SEC61A2: variants seen among roughly 807,000 people sequenced by gnomAD.
SEC61A2 encodes the protein protein transport protein Sec61 subunit alpha isoform 2.
SEC61A2 carries 28 observed loss-of-function variants against 59.9 expected under a neutral mutation model. That is an observed-to-expected ratio of 0.47 (90% confidence interval 0.35 to 0.64). The LOEUF is 0.64. SEC61A2 is among the 30% of genes least tolerant of loss of function. The probability of loss-of-function intolerance (pLI) is 0.01; values close to 1 mark genes in which losing one functional copy is unlikely to be tolerated. For missense variants in SEC61A2, 340 were observed against 585.9 expected, an observed-to-expected ratio of 0.58 and a Z score of 4.33; for synonymous variants, 202 against 214.4, an observed-to-expected ratio of 0.94 and a Z score of 0.50.
rs1402256611 is a variant in SEC61A2, at chr10:12,152,906, A to G, written c.463-2872A>G. 1.3e-5 allele frequency among the ~76,000 whole-genome samples: 2 copies of G among 151,650 alleles called. No individual in the cohort carries two copies. The highest frequency in any genetic ancestry group is 1.9e-4 in the East Asian group (1 of 5,176). On this transcript the variant is annotated intron_variant, in intron 6 of 11. Coordinates refer to ENST00000298428, the MANE Select transcript of SEC61A2 (RefSeq NM_018144.4). The surrounding 1 kb of genome is among the most constrained non-coding windows in gnomAD (Gnocchi z 5.5). ...AAAACTAAAACAAAATAAAACGACA[A>G]AAATTAGCCAGGCGTGGCGGTGTGT...
chr10:12,133,106 A>G (rs1023519961), intron 1 of SEC61A2, 135 bp from the exon 2 acceptor site: 6 of 550,068 alleles, frequency 1.1e-5, no homozygotes, highest in East Asian at 3.0e-5. Flanking sequence ...GGAGAACAGT[A>G]TGATGATTTA....
In SEC61A2 at chr10:12,145,405, A is replaced by G. The variant is rs972833477; in HGVS notation, c.220+2210A>G. Among the ~76,000 whole-genome samples, 3 of 152,248 alleles carry G rather than the reference A, an allele frequency of 2.0e-5. No individual in the cohort carries two copies. The highest frequency in any genetic ancestry group is 4.4e-5 in the Non-Finnish European group (3 of 68,044). The stretch of plus-strand genomic sequence containing the variant: ...ATAGAGAAAGCTAAATTATCTTCCA[A>G]AACAGTTGTTTGATTTTACACTCTC... On this transcript the variant is annotated intron_variant, in intron 4 of 11. Transcript: ENST00000298428. This position sits in a 1 kb window ranked among gnomAD's most constrained non-coding sequence, Gnocchi z 4.4.
chr10:12,148,239 ATTTTT>A (rs66965878), intron 4 of SEC61A2, among the ~76,000 whole-genome samples: 1 of 97,406 alleles, frequency 1.0e-5, no homozygotes, highest in Non-Finnish European at 2.0e-5. Context: ...ATGCCCGGCC[ATTTTT>A]TTTTTTTTTT....
chr10:12,155,277 C>A lies in SEC61A2; in HGVS notation c.463-501C>A. On this transcript the variant is annotated intron_variant, in intron 6 of 11. Coordinates refer to ENST00000298428, the MANE Select transcript of SEC61A2 (RefSeq NM_018144.4). This position sits in a 1 kb window ranked among gnomAD's most constrained non-coding sequence, Gnocchi z 4.3. Reference sequence around the variant, plus strand: ...TTCTGTACACATTTTATAGAGTATACATATATATAATATATATAATGCTTT... The same window carrying A: ...TTCTGTACACATTTTATAGAGTATAAATATATATAATATATATAATGCTTT... The A allele has an allele frequency of 7.3e-7, 1 of 1,369,792 alleles. No individual in the cohort carries two copies. Among genetic ancestry groups the A allele is most frequent in the Non-Finnish European group, 9.8e-7 (1 of 1,025,420 alleles). The allele number at this position is 1,369,792 out of a possible 1,614,324, so 84.9% of individuals were successfully genotyped here. A position where few individuals can be genotyped will look rare whatever the true frequency, so the allele number is the denominator to read the frequency against.
chr10:12,143,057 A>G lies in SEC61A2; in HGVS notation c.142-60A>G, dbSNP rs1834057948. ...AGCCTTTGCCTCCTGGGTTCAAGCG[A>G]TTCTTATGCCTCAGCCTTATATAAT... On this transcript the variant is annotated intron_variant, in intron 3 of 11. Transcript: ENST00000298428. The surrounding 1 kb of genome is among the most constrained non-coding windows in gnomAD (Gnocchi z 4.8). 1 of 1,342,556 alleles carries G rather than the reference A, an allele frequency of 7.4e-7. No homozygotes were observed. The highest frequency in any genetic ancestry group is 1.7e-5 in the Admixed American group (1 of 59,470). The allele number at this position is 1,342,556 out of a possible 1,614,324, so 83.2% of individuals were successfully genotyped here.
chr10:12,143,537 C>A lies in SEC61A2; in HGVS notation c.220+342C>A, dbSNP rs1834070791. On this transcript the variant is annotated intron_variant, in intron 4 of 11. Transcript: ENST00000298428. The surrounding 1 kb of genome is among the most constrained non-coding windows in gnomAD (Gnocchi z 4.8). ...ATCACCTGAGGTCAGGAGTTTGAGA[C>A]CAGCCTGGCCAACATGGTGAAACCC... 6.6e-6 allele frequency among the ~76,000 whole-genome samples: 1 copy of A among 152,072 alleles called. No individual in the cohort carries two copies. The highest frequency in any genetic ancestry group is 1.5e-5 in the Non-Finnish European group (1 of 68,020).
chr10:12,134,999 G>C (rs1209976123), intron 2 of SEC61A2, among the ~76,000 whole-genome samples: 6 of 152,044 alleles, frequency 3.9e-5, no homozygotes, highest in Non-Finnish European at 8.8e-5. Context: ...AGGATGTCAC[G>C]ATGGGGAACT....
At position 12,162,294 on chromosome 10, in the gene SEC61A2, G is replaced by C. The variant is rs752015148; in HGVS notation, c.1244+5G>C. ...TATGGTTCATGAGCTTAATAGGTAAGGCTGCTAGACTGACACCTTTATAGG... is the reference window on the plus strand; with the variant it reads ...TATGGTTCATGAGCTTAATAGGTAACGCTGCTAGACTGACACCTTTATAGG... On this transcript the variant is annotated splice_donor_5th_base_variant and intron_variant, in intron 11 of 11. Coordinates refer to ENST00000298428, the MANE Select transcript of SEC61A2 (RefSeq NM_018144.4). This position sits in a 1 kb window ranked among gnomAD's most constrained non-coding sequence, Gnocchi z 6.1. 6.2e-7 allele frequency: 1 copy of C among 1,609,606 alleles called. No homozygotes were observed. The highest frequency in any genetic ancestry group is 1.7e-5 in the Admixed American group (1 of 59,974).
chr10:12,149,925 A>G lies in SEC61A2; in HGVS notation c.426A>G (p.Glu142=). The G allele has an allele frequency of 6.2e-7, 1 of 1,613,778 alleles. No individual in the cohort carries two copies. The highest frequency in any genetic ancestry group is 2.2e-5 in the East Asian group (1 of 44,892). ...VMTGMYGDPA[E]MGAGICLLII... ...CGGGGATGTATGGGGACCCTGCAGA[A>G]ATGGGTGCCGGAATCTGTCTCCTGA... Residue 142 remains glutamate, a synonymous_variant, in exon 6 of 12, where the codon GAA becomes GAG. Transcript: ENST00000298428. This position sits in a 1 kb window ranked among gnomAD's most constrained non-coding sequence, Gnocchi z 5.2.
intron 4 of SEC61A2, among the ~76,000 whole-genome samples, chr10:12,144,433 T>A (rs1191022448): frequency 6.6e-6 from 1 of 152,242 alleles, no homozygotes; most frequent in East Asian, 1.9e-4. Context: ...TTAATGGCCA[T>A]GTTATTATTC....
chr10:12,159,572 C>G (rs951674264), intron 9 of SEC61A2, among the ~76,000 whole-genome samples: 5 of 152,072 alleles, frequency 3.3e-5, no homozygotes, highest in African/African-American at 1.2e-4. Flanking sequence ...TGCCTGTAGT[C>G]CTAGCTACTT....
intron 3 of SEC61A2, among the ~76,000 whole-genome samples, chr10:12,139,369 G>T (rs1833957602): frequency 6.6e-6 from 1 of 151,336 alleles, no homozygotes; most frequent in African/African-American, 2.4e-5. Context: ...TAGTCATCTT[G>T]CCAGGCGCAG....
chr10:12,164,625 A>T lies in SEC61A2; in HGVS notation c.*171A>T. On this transcript the variant is annotated 3_prime_UTR_variant, in exon 12 of 12. Transcript: ENST00000298428. The surrounding 1 kb of genome is among the most constrained non-coding windows in gnomAD (Gnocchi z 7.3). ...AGCTAAGTCTGTGTGCAGCATTAGT[A>T]CCCGCTGCCTTAAAACTCAAGTTTA... 1 of 1,407,092 alleles carries T rather than the reference A, an allele frequency of 7.1e-7. No individual in the cohort carries two copies. Among genetic ancestry groups the T allele is most frequent in the Non-Finnish European group, 9.2e-7 (1 of 1,087,992 alleles). 87.2% of individuals were successfully genotyped at this position (1,407,092 alleles called of 1,614,324 possible).
In SEC61A2 at chr10:12,145,152, T is replaced by C. The variant is rs909989535; in HGVS notation, c.220+1957T>C. 6.6e-6 allele frequency among the ~76,000 whole-genome samples: 1 copy of C among 152,106 alleles called. No homozygotes were observed. The highest frequency in any genetic ancestry group is 1.9e-4 in the East Asian group (1 of 5,200). The stretch of plus-strand genomic sequence containing the variant: ...TTGCAGATGTATCTAAGTCAGATCA[T>C]GAAGGGCTTGGAGACCGTTGGATGG... On this transcript the variant is annotated intron_variant, in intron 4 of 11. Transcript: ENST00000298428. This position sits in a 1 kb window ranked among gnomAD's most constrained non-coding sequence, Gnocchi z 4.4.
At chr10:12,157,598 G>C (rs1834429867) in intron 8 of SEC61A2, among the ~76,000 whole-genome samples, 1 of 151,726 alleles carries the variant, frequency 6.6e-6, no homozygotes, top group Non-Finnish European at 1.5e-5. Flanking sequence ...CGCCTCCTGG[G>C]TTCAAGCGAT....
Position 12,154,411 on chromosome 10 carries a change from C to T in SEC61A2, c.463-1367C>T, listed in dbSNP as rs759188013. On this transcript the variant is annotated intron_variant, in intron 6 of 11. Transcript: ENST00000298428. This position sits in a 1 kb window ranked among gnomAD's most constrained non-coding sequence, Gnocchi z 5.2. ...CTGTGGGACTCTGGAGAGGTCATTT[C>T]TCAAGGCCCATCACGATGCTTTCTG... Among the ~76,000 whole-genome samples, 36 of 152,110 alleles carry T rather than the reference C, an allele frequency of 2.4e-4. No homozygotes were observed. The highest frequency in any genetic ancestry group is 3.4e-4 in the Non-Finnish European group (23 of 68,008).
chr10:12,136,261 G>T (rs1032027210), intron 3 of SEC61A2, 91 bp downstream of exon 3: 3 of 793,398 alleles, frequency 3.8e-6, no homozygotes, highest in African/African-American at 3.5e-5. Context: ...TTAAAATAAA[G>T]AATACATTGA....
At chr10:12,165,457 C>T, downstream of SEC61A2, 1 of 673,272 alleles carries the variant, frequency 1.5e-6, no homozygotes, top group Non-Finnish European at 1.8e-6. Context: ...AAGAAGTCCA[C>T]CCTGAGATGC....
At chr10:12,136,485 T>G (rs895296256) in intron 3 of SEC61A2, among the ~76,000 whole-genome samples, 3 of 152,182 alleles carry the variant, frequency 2.0e-5, no homozygotes, top group African/African-American at 7.2e-5. Flanking sequence ...AGTCTCGCTC[T>G]GTTGCCCAAG....
Sources: gnomAD v4.1 joint callset for allele counts (sites outside exome capture counted in the v4.1 genomes callset) on GRCh38, gnomAD v4.1.1 for gene constraint, Gnocchi (gnomAD v3.1) non-coding constraint, MANE v1.5 for transcripts, NCBI Gene and HGNC (gene_info 2026-07-23, HGNC 2026-07-21) for gene names.